SLC25A11: variants seen among roughly 807,000 people sequenced by gnomAD.
SLC25A11 encodes the protein solute carrier family 25 member 11, also known as mitochondrial 2-oxoglutarate/malate carrier protein.
A neutral mutation model predicts 32.7 loss-of-function variants in SLC25A11; 11 were observed. The observed-to-expected ratio is 0.34, with a 90% confidence interval of 0.21 to 0.56. The LOEUF is 0.56. SLC25A11 is among the 20% of genes least tolerant of loss of function. SLC25A11 has a pLI of 0.90. For synonymous variants in SLC25A11, 163 were observed against 168.3 expected, an observed-to-expected ratio of 0.97 and a Z score of 0.24; for missense variants, 295 against 426.3, an observed-to-expected ratio of 0.69 and a Z score of 2.71.
In SLC25A11 at chr17:4,939,482, C is replaced by T. The variant is rs1393525077; in HGVS notation, c.96-270G>A. The T allele has an allele frequency of 6.9e-6, 4 of 575,988 alleles. No homozygotes were observed. Among genetic ancestry groups the T allele is most frequent in the East Asian group, 5.8e-5 (2 of 34,506 alleles). 35.7% of individuals were successfully genotyped at this position (575,988 alleles called of 1,614,324 possible). ...ACCTGGGGCTGCACGCAGTCCGACA[C>T]AGGGAGGGGAGGAAGGGGCATCCAA... is the stretch of plus-strand genomic sequence containing the variant. On this transcript the variant is annotated intron_variant, in intron 1 of 7. Transcript: ENST00000225665. The surrounding 1 kb of genome is among the most constrained non-coding windows in gnomAD (Gnocchi z 4.1).
chr17:4,937,925 C>A (rs1454833183), intron 7 of SLC25A11, 29 bp from the exon 8 acceptor site: 8 of 1,612,348 alleles, frequency 5.0e-6, no homozygotes, highest in Non-Finnish European at 6.8e-6. Context: ...GGCGCTGGGG[C>A]TAGGACTCTA....
At position 4,938,061 on chromosome 17, in the gene SLC25A11, G is replaced by A. The variant is rs533954470; in HGVS notation, c.751C>T (p.Arg251Trp). Residue 251 changes from arginine (R) to tryptophan (W), a missense_variant, in exon 7 of 8, where the codon CGG becomes TGG. Physicochemically the swap from Arg to Trp is moderately radical, Grantham distance 101. Around this residue, in one of 3 missense-constraint regions of SLC25A11, gnomAD observed 142 missense variants for 197.8 expected, o/e 0.72. Transcript: ENST00000225665. The surrounding 1 kb of genome is among the most constrained non-coding windows in gnomAD (Gnocchi z 7.6). ...TATTCCGGCTTCCCATCAATCATCC[G>A]CATGTTCTGGATTCTGCAGGAGAGG... ...DIAKTRIQNM[R>W]MIDGKPEYKN... 9 of 1,614,074 alleles carry A rather than the reference G, an allele frequency of 5.6e-6. No homozygotes were observed. The highest frequency in any genetic ancestry group is 4.5e-5 in the East Asian group (2 of 44,880).
rs1567651546 is a variant in SLC25A11 at position 4,938,621 on chromosome 17, G to C, written c.456-19C>G. 6.2e-7 allele frequency: 1 copy of C among 1,612,810 alleles called. No homozygotes were observed. The highest frequency in any genetic ancestry group is 8.5e-7 in the Non-Finnish European group (1 of 1,178,918). On this transcript the variant is annotated intron_variant, in intron 3 of 7. Transcript: ENST00000225665. This position sits in a 1 kb window ranked among gnomAD's most constrained non-coding sequence, Gnocchi z 7.6. ...TGGAAGCCTGGTGGGAAGGCAGAAA[G>C]AGGTCAAGATCAGGATTGCCCACAG...
rs2151110239 is a variant in SLC25A11 at position 4,937,649 on chromosome 17, G to C, written c.*92C>G. On this transcript the variant is annotated 3_prime_UTR_variant, in exon 8 of 8. Coordinates refer to ENST00000225665, the MANE Select transcript of SLC25A11 (RefSeq NM_003562.5). Reference sequence around the variant, plus strand: ...GAGGAAGAAACCACACTGTGGAAGGGAAATAAATAGAGGGGTCCAGGGCAG... The same window carrying C: ...GAGGAAGAAACCACACTGTGGAAGGCAAATAAATAGAGGGGTCCAGGGCAG... 1 of 1,431,496 alleles carries C rather than the reference G, an allele frequency of 7.0e-7. No homozygotes were observed. Among genetic ancestry groups the C allele is most frequent in the Non-Finnish European group, 9.4e-7 (1 of 1,066,512 alleles). 88.7% of individuals were successfully genotyped at this position (1,431,496 alleles called of 1,614,324 possible).
At position 4,938,476 on chromosome 17, in the gene SLC25A11, C is replaced by T; in HGVS notation, c.546+36G>A. The T allele has an allele frequency of 6.2e-7, 1 of 1,613,668 alleles. No individual in the cohort carries two copies. The highest frequency in any genetic ancestry group is 8.5e-7 in the Non-Finnish European group (1 of 1,179,608). On this transcript the variant is annotated intron_variant, in intron 4 of 7. Transcript: ENST00000225665. This position sits in a 1 kb window ranked among gnomAD's most constrained non-coding sequence, Gnocchi z 7.6. ...AGAGTCAGAAACCCCTAAAACCAGA[C>T]CTCACAGCCCCCAAGTCTCCAGCCC...
rs1420573415 is a variant in SLC25A11 at position 4,940,005 on chromosome 17, G to T, written c.-95C>A. ...CGCGCGCAACAGAGCGAGGGCGCGC[G>T]CACGCCCCTCCAGCTCTCAGGTCCG... On this transcript the variant is annotated 5_prime_UTR_variant, in exon 1 of 8. Coordinates refer to ENST00000225665, the MANE Select transcript of SLC25A11 (RefSeq NM_003562.5). 1 of 816,002 alleles carries T rather than the reference G, an allele frequency of 1.2e-6. No homozygotes were observed. The allele number at this position is 816,002 out of a possible 1,614,324, so 50.5% of individuals were successfully genotyped here.
chr17:4,938,151 C>T lies in SLC25A11; in HGVS notation c.737+3G>A. The T allele has an allele frequency of 6.2e-7, 1 of 1,614,154 alleles. No individual in the cohort carries two copies. Among genetic ancestry groups the T allele is most frequent in the Non-Finnish European group, 8.5e-7 (1 of 1,179,982 alleles). On this transcript the variant is annotated splice_donor_region_variant and intron_variant, in intron 6 of 7. Transcript: ENST00000225665. The surrounding 1 kb of genome is among the most constrained non-coding windows in gnomAD (Gnocchi z 7.6). ...CACCTCCAGGCCCAGGCTGCACACTCACCGGGTCTTGGCAATGTCCACAGG... is the reference window on the plus strand; with the variant it reads ...CACCTCCAGGCCCAGGCTGCACACTTACCGGGTCTTGGCAATGTCCACAGG...
rs1347317524 is a variant in SLC25A11, at chr17:4,938,447, G to A, written c.547-18C>T. On this transcript the variant is annotated intron_variant, in intron 4 of 7. Transcript: ENST00000225665. The surrounding 1 kb of genome is among the most constrained non-coding windows in gnomAD (Gnocchi z 7.6). ...ATGCAGCCCTGGAGGGAGGGGAGCG[G>A]GGAAGAGTCAGAAACCCCTAAAACC... 5 of 1,613,932 alleles carry A rather than the reference G, an allele frequency of 3.1e-6. No homozygotes were observed. Among genetic ancestry groups the A allele is most frequent in the Non-Finnish European group, 4.2e-6 (5 of 1,179,944 alleles).
Position 4,939,788 on chromosome 17 carries a change from T to C in SLC25A11, c.95+28A>G. 1 of 1,589,670 alleles carries C rather than the reference T, an allele frequency of 6.3e-7. No homozygotes were observed. The highest frequency in any genetic ancestry group is 8.6e-7 in the Non-Finnish European group (1 of 1,160,446). On this transcript the variant is annotated intron_variant, in intron 1 of 7. Coordinates refer to ENST00000225665, the MANE Select transcript of SLC25A11 (RefSeq NM_003562.5). The surrounding 1 kb of genome is among the most constrained non-coding windows in gnomAD (Gnocchi z 4.1). ...TCCTTTTGCCCTTCCCTTCCTCCTC[T>C]TTTCCCATCCCTGGGGCCTGAGCTT... is the stretch of plus-strand genomic sequence containing the variant.
At position 4,938,415 on chromosome 17, in the gene SLC25A11, G is replaced by A. The variant is rs1229463968; in HGVS notation, c.561C>T (p.Thr187=). ...VLTLWRGCIP[T]MARAVVVNAA... The stretch of plus-strand genomic sequence containing the variant: ...CATTGACGACGACGGCCCGAGCCAT[G>A]GTAGGGATGCAGCCCTGGAGGGAGG... Residue 187 remains threonine, a synonymous_variant, in exon 5 of 8, where the codon ACC becomes ACT. Coordinates refer to ENST00000225665, the MANE Select transcript of SLC25A11 (RefSeq NM_003562.5). This position sits in a 1 kb window ranked among gnomAD's most constrained non-coding sequence, Gnocchi z 7.6. 6.2e-7 allele frequency: 1 copy of A among 1,614,042 alleles called. No homozygotes were observed. Among genetic ancestry groups the A allele is most frequent in the African/African-American group, 1.3e-5 (1 of 74,924 alleles).
Position 4,939,193 on chromosome 17 carries a change from C to G in SLC25A11, c.115G>C (p.Val39Leu). ...GLAGMGATVF[V>L]QPLDLVKNRM... is the part of the protein sequence containing the mutation. The stretch of plus-strand genomic sequence containing the variant: ...TTCTTCACCAGGTCCAGGGGCTGGA[C>G]AAAAACTGTAGCTCCCATCCTGGGG... Residue 39 changes from valine (V) to leucine (L), a missense_variant, in exon 2 of 8, where the codon GTC (valine) becomes CTC (leucine). By Grantham distance (32) the Val-to-Leu change is conservative. This residue lies in a region of SLC25A11 where 104 missense variants were observed against 121.5 expected (regional missense o/e 0.86). Coordinates refer to ENST00000225665, the MANE Select transcript of SLC25A11 (RefSeq NM_003562.5). The surrounding 1 kb of genome is among the most constrained non-coding windows in gnomAD (Gnocchi z 4.1). 1 of 1,607,938 alleles carries G rather than the reference C, an allele frequency of 6.2e-7. No individual in the cohort carries two copies. The highest frequency in any genetic ancestry group is 8.5e-7 in the Non-Finnish European group (1 of 1,174,810).
rs375082797 is a variant in SLC25A11, at chr17:4,937,993, C to G, written c.789+30G>C. The G allele has an allele frequency of 4.6e-4, 750 of 1,613,622 alleles. 1 individual carries two copies. Among genetic ancestry groups the G allele is most frequent in the Non-Finnish European group, 5.9e-4 (695 of 1,179,840 alleles). ...ACCTTTCCCAGGGGATCCGACACCC[C>G]CTCCCAGGCCCCCAGAATGGCTTCC... On this transcript the variant is annotated intron_variant, in intron 7 of 7. Coordinates refer to ENST00000225665, the MANE Select transcript of SLC25A11 (RefSeq NM_003562.5).
In SLC25A11 at chr17:4,938,769, C is replaced by G; in HGVS notation, c.455G>C (p.Arg152Pro). The G allele has an allele frequency of 6.2e-7, 1 of 1,607,332 alleles. No homozygotes were observed. The highest frequency in any genetic ancestry group is 1.1e-5 in the South Asian group (1 of 90,350). Residue 152 changes from arginine (R) to proline (P), a missense_variant and splice_region_variant, in exon 3 of 8, where the codon CGG becomes CCG. By Grantham distance (103) the Arg-to-Pro change is moderately radical (BLOSUM62 -2). Transcript: ENST00000225665. The surrounding 1 kb of genome is among the most constrained non-coding windows in gnomAD (Gnocchi z 7.6). ...VALIRMTADGRLPADQRRGYK... is the reference protein window; with the variant it reads ...VALIRMTADGPLPADQRRGYK... ...GGTTAGGTTCAGACTTGGAACTCAC[C>G]GGCCATCGGCAGTCATGCGGATAAG...
chr17:4,939,056 A>G lies in SLC25A11; in HGVS notation c.248+4T>C, dbSNP rs375082297. 1.1e-5 allele frequency: 17 copies of G among 1,614,102 alleles called. No individual in the cohort carries two copies. Among genetic ancestry groups the G allele is most frequent in the Non-Finnish European group, 1.4e-5 (16 of 1,180,054 alleles). On this transcript the variant is annotated splice_donor_region_variant and intron_variant, in intron 2 of 7. Transcript: ENST00000225665. The surrounding 1 kb of genome is among the most constrained non-coding windows in gnomAD (Gnocchi z 4.1). ...GTCTACCCTCCATCCTGAGGCCCCA[A>G]TACCCAGTGTAAATGCCCCTCAGGC...
At position 4,937,731 on chromosome 17, in the gene SLC25A11, C is replaced by T; in HGVS notation, c.*10G>A. 1 of 1,598,916 alleles carries T rather than the reference C, an allele frequency of 6.3e-7. No homozygotes were observed. On this transcript the variant is annotated 3_prime_UTR_variant, in exon 8 of 8. Transcript: ENST00000225665. ...TAGGCGCAGCAGGCGAGTGGGAGCC[C>T]CCGGCCGCTTCAGCCACTGAGGAAG...
At position 4,937,738 on chromosome 17, in the gene SLC25A11, G is replaced by A. The variant is rs375637302; in HGVS notation, c.*3C>T. The A allele has an allele frequency of 2.7e-5, 44 of 1,603,318 alleles. No homozygotes were observed. The highest frequency in any genetic ancestry group is 3.4e-5 in the Non-Finnish European group (40 of 1,174,804). ...AGCAGGCGAGTGGGAGCCCCCGGCC[G>A]CTTCAGCCACTGAGGAAGAGACGCT... On this transcript the variant is annotated 3_prime_UTR_variant, in exon 8 of 8. Coordinates refer to ENST00000225665, the MANE Select transcript of SLC25A11 (RefSeq NM_003562.5).
In SLC25A11 at chr17:4,937,464, C is replaced by T; in HGVS notation, c.*277G>A. Reference sequence around the variant, plus strand: ...CCCCACTGACAAAGGGGATCTTCTGCTGTCCTGTGTGCCCTGAAACTAAAA... The same window carrying T: ...CCCCACTGACAAAGGGGATCTTCTGTTGTCCTGTGTGCCCTGAAACTAAAA... On this transcript the variant is annotated 3_prime_UTR_variant, in exon 8 of 8. Coordinates refer to ENST00000225665, the MANE Select transcript of SLC25A11 (RefSeq NM_003562.5). 2 of 318,150 alleles carry T rather than the reference C, an allele frequency of 6.3e-6. No individual in the cohort carries two copies. The highest frequency in any genetic ancestry group is 2.1e-5 in the African/African-American group (1 of 46,606). The allele number at this position is 318,150 out of a possible 1,614,324, so 19.7% of individuals were successfully genotyped here. A position where few individuals can be genotyped will look rare whatever the true frequency, so the allele number is the denominator to read the frequency against.
rs549821858 is a variant in SLC25A11, at chr17:4,939,746, G to A, written c.95+70C>T. Reference sequence around the variant, plus strand: ...CACAGTTCACTGCAACAGACCCAGAGATGAACCGGGCCCGGTTCCTTTTGC... The same window carrying A: ...CACAGTTCACTGCAACAGACCCAGAAATGAACCGGGCCCGGTTCCTTTTGC... On this transcript the variant is annotated intron_variant, in intron 1 of 7. Transcript: ENST00000225665. The surrounding 1 kb of genome is among the most constrained non-coding windows in gnomAD (Gnocchi z 4.1). The A allele has an allele frequency of 2.5e-5, 31 of 1,241,010 alleles. No homozygotes were observed. The East Asian group carries it at 6.6e-4, about 26-fold the overall frequency. The allele number at this position is 1,241,010 out of a possible 1,614,324, so 76.9% of individuals were successfully genotyped here. A position where few individuals can be genotyped will look rare whatever the true frequency, so the allele number is the denominator to read the frequency against.
chr17:4,939,138 T>C lies in SLC25A11; in HGVS notation c.170A>G (p.Lys57Arg). ...NRMQLSGEGA[K>R]TREYKTSFHA... ...GAAGCTGGTTTTGTACTCTCGAGTC[T>C]TGGCCCCTTCCCCGCTCAACTGCAT... is the stretch of plus-strand genomic sequence containing the variant. Residue 57 changes from lysine (K) to arginine (R), a missense_variant, in exon 2 of 8, where the codon AAG becomes AGG. Around this residue, in one of 3 missense-constraint regions of SLC25A11, gnomAD observed 104 missense variants for 121.5 expected, o/e 0.86. Transcript: ENST00000225665. This position sits in a 1 kb window ranked among gnomAD's most constrained non-coding sequence, Gnocchi z 4.1. 1.9e-6 allele frequency: 3 copies of C among 1,614,128 alleles called. No individual in the cohort carries two copies. Among genetic ancestry groups the C allele is most frequent in the Non-Finnish European group, 2.5e-6 (3 of 1,179,998 alleles).
Sources: gnomAD v4.1 joint callset for allele counts on GRCh38, gnomAD v4.1.1 for gene constraint, gnomAD v4.1.1 regional missense constraint, Gnocchi (gnomAD v3.1) non-coding constraint, MANE v1.5 for transcripts, NCBI Gene and HGNC (gene_info 2026-07-23, HGNC 2026-07-21) for gene names.